Variants in SMARCC1 observed in about 807,000 individuals in gnomAD.
SMARCC1 encodes the protein SWI/SNF related BAF chromatin remodeling complex subunit C1, also known as SWI/SNF complex subunit SMARCC1.
Under a neutral mutation model 147.4 loss-of-function variants are expected in SMARCC1, and 43 were observed. The ratio of observed to expected loss-of-function variants is 0.29; its 90% CI spans 0.23 to 0.38. The LOEUF is 0.38. Ranked by LOEUF, SMARCC1 falls within the 10% of genes least tolerant of loss-of-function variation. The probability of loss-of-function intolerance (pLI) is 1.00; values close to 1 mark genes in which losing one functional copy is unlikely to be tolerated. For missense variants in SMARCC1, 1,119 were observed against 1,381.1 expected, an observed-to-expected ratio of 0.81 and a Z score of 3.01; for synonymous variants, 495 against 484.4, an observed-to-expected ratio of 1.02 and a Z score of -0.29.
intron 2 of SMARCC1, among the ~76,000 whole-genome samples, chr3:47,749,697 A>G (rs1179599487): frequency 6.7e-6 from 1 of 150,244 alleles, no homozygotes; most frequent in African/African-American, 2.4e-5. Flanking sequence ...ACACAAAGTG[A>G]GACCCTCTAA....
At chr3:47,745,193 G>A (rs1295490755) in intron 3 of SMARCC1, among the ~76,000 whole-genome samples, 1 of 151,742 alleles carries the variant, frequency 6.6e-6, no homozygotes, top group African/African-American at 2.4e-5. Context: ...TCACTGGAAG[G>A]TTGCAGTGAG....
At chr3:47,629,489 C>T (rs934485753) in intron 24 of SMARCC1, among the ~76,000 whole-genome samples, 2 of 152,166 alleles carry the variant, frequency 1.3e-5, no homozygotes, top group South Asian at 4.1e-4. Flanking sequence ...TTGGACAGAA[C>T]ATTTGACCAG....
intron 1 of SMARCC1, among the ~76,000 whole-genome samples, chr3:47,777,101 T>G (rs192279034): frequency 2.0e-5 from 3 of 149,956 alleles, no homozygotes; most frequent in Non-Finnish European, 4.4e-5. Flanking sequence ...TTTTTTTTTT[T>G]GAGAGAGTCT....
chr3:47,773,007 G>A (rs2034933040), intron 1 of SMARCC1, 71 bp from the exon 2 acceptor site: 1 of 1,431,254 alleles, frequency 7.0e-7, no homozygotes, highest in South Asian at 1.2e-5. Context: ...TTACTTCCTA[G>A]TACCTACTAA....
At chr3:47,621,168 C>T (rs542184708) in intron 25 of SMARCC1, among the ~76,000 whole-genome samples, 12 of 152,092 alleles carry the variant, frequency 7.9e-5, no homozygotes, top group East Asian at 7.7e-4. Context: ...GGCGTGGTGG[C>T]GTGCGCCTGT....
chr3:47,696,996 G>A (rs577429164), intron 11 of SMARCC1, among the ~76,000 whole-genome samples: 3 of 152,216 alleles, frequency 2.0e-5, no homozygotes, highest in African/African-American at 7.2e-5. Context: ...GGACTACAGG[G>A]AAAGGCCACC....
chr3:47,614,461 C>G (rs2032609187), intron 25 of SMARCC1, among the ~76,000 whole-genome samples: 1 of 152,210 alleles, frequency 6.6e-6, no homozygotes, highest in African/African-American at 2.4e-5. Flanking sequence ...ATTACTACAA[C>G]TACACAGAAA....
intron 18 of SMARCC1, among the ~76,000 whole-genome samples, chr3:47,671,259 T>C (rs2033498941): frequency 6.6e-6 from 1 of 151,212 alleles, no homozygotes; most frequent in Admixed American, 6.6e-5. Flanking sequence ...CCATAACTAT[T>C]TGGATATGTT....
At chr3:47,642,977 T>G (rs1339079570) in intron 21 of SMARCC1, among the ~76,000 whole-genome samples, 2 of 152,138 alleles carry the variant, frequency 1.3e-5, no homozygotes, top group Non-Finnish European at 2.9e-5. Flanking sequence ...GCCTGGGAAG[T>G]TGAGGCTGCA....
At chr3:47,682,353 A>G (rs2033663995) in intron 14 of SMARCC1, among the ~76,000 whole-genome samples, 1 of 151,514 alleles carries the variant, frequency 6.6e-6, no homozygotes, top group Non-Finnish European at 1.5e-5. Context: ...TAGCTAGCTC[A>G]CTGTAACCTA....
At chr3:47,690,280 A>G (rs2033775164) in intron 12 of SMARCC1, among the ~76,000 whole-genome samples, 1 of 152,242 alleles carries the variant, frequency 6.6e-6, no homozygotes, top group Non-Finnish European at 1.5e-5. Flanking sequence ...TACGGGACAT[A>G]GCAAAAATAA....
At chr3:47,637,361 A>G (rs1314230386) in intron 22 of SMARCC1, among the ~76,000 whole-genome samples, 1 of 152,212 alleles carries the variant, frequency 6.6e-6, no homozygotes, top group Non-Finnish European at 1.5e-5. Flanking sequence ...TGGCTTATAT[A>G]TATTCACTCA....
chr3:47,606,065 A>T (rs868836562), intron 26 of SMARCC1, among the ~76,000 whole-genome samples: 1 of 152,162 alleles, frequency 6.6e-6, no homozygotes, highest in South Asian at 2.1e-4. Context: ...TATTTCAATA[A>T]AAAATCATGA....
Position 47,722,123 on chromosome 3 carries a change from C to T in SMARCC1, c.647-1388G>A, listed in dbSNP as rs78423882. On this transcript the variant is annotated intron_variant, in intron 6 of 27. Transcript: ENST00000254480. ...GGGGCCAGAGGATCTTTCTAAATCC[C>T]GACTACCTAAACTAACCTGTCCTGT... Among the ~76,000 whole-genome samples the T allele has an allele frequency of 2.8e-4, 42 of 151,552 alleles. 2 individuals are homozygous for T. The East Asian group carries it at 7.8e-3, about 28-fold the overall frequency.
At chr3:47,714,909 T>A (rs1025128518) in intron 7 of SMARCC1, among the ~76,000 whole-genome samples, 8 of 152,188 alleles carry the variant, frequency 5.3e-5, no homozygotes, top group South Asian at 2.1e-4. Flanking sequence ...TCTGTAGAGG[T>A]CACCAGTAAC....
At chr3:47,730,973 G>C (rs1169835205) in intron 5 of SMARCC1, among the ~76,000 whole-genome samples, 1 of 152,100 alleles carries the variant, frequency 6.6e-6, no homozygotes, top group African/African-American at 2.4e-5. Context: ...TGATCAAGGT[G>C]GTGGTTGCTG....
intron 17 of SMARCC1, among the ~76,000 whole-genome samples, chr3:47,675,946 A>G (rs1402149239): frequency 2.1e-5 from 3 of 144,454 alleles, no homozygotes; most frequent in African/African-American, 8.1e-5. Context: ...TTCCGTCTCA[A>G]AAAAAAAAAA....
At chr3:47,652,526 G>A (rs922845960) in intron 21 of SMARCC1, among the ~76,000 whole-genome samples, 13 of 151,490 alleles carry the variant, frequency 8.6e-5, no homozygotes, top group Admixed American at 3.3e-4. Flanking sequence ...CTACAATGAA[G>A]AGAAGTAGAG....
chr3:47,659,450 G>A (rs1444893917), intron 21 of SMARCC1, among the ~76,000 whole-genome samples: 2 of 151,916 alleles, frequency 1.3e-5, no homozygotes, highest in East Asian at 3.9e-4. Context: ...AAATCTGATA[G>A]CATGTTAAAT....
Sources: gnomAD v4.1 joint callset for allele counts (sites outside exome capture counted in the v4.1 genomes callset) on GRCh38, gnomAD v4.1.1 for gene constraint, MANE v1.5 for transcripts, NCBI Gene and HGNC (gene_info 2026-07-23, HGNC 2026-07-21) for gene names.